The following FCRL5 variants were observed in gnomAD, a reference collection of about 807,000 sequenced individuals.
FCRL5 encodes Fc receptor-like protein 5.
Under a neutral mutation model 92.1 loss-of-function variants are expected in FCRL5, and 79 were observed. That is an observed-to-expected ratio of 0.86 (90% CI 0.72 to 1.03). The LOEUF (loss-of-function observed/expected upper bound fraction) is 1.03, where lower values mean the gene tolerates loss of function less well. Among genes scored for constraint, FCRL5 ranks in the 50% least tolerant of loss-of-function variants. The pLI is 0.00. For synonymous variants in FCRL5, 466 were observed against 469.3 expected (o/e 0.99, Z 0.09); for missense variants, 1,160 against 1,181.1 (o/e 0.98, Z 0.26).
At chr1:157,520,639 C>G (rs1405662187) in intron 11 of FCRL5, 92 bp from the exon 12 acceptor site, 1 of 938,524 alleles carries the variant, frequency 1.1e-6, no homozygotes. Context: ...TGACGGTGAA[C>G]CTAGGTGAGC....
chr1:157,533,122 T>C (rs1274626455), intron 8 of FCRL5: 1 of 152,130 alleles, frequency 6.6e-6, no homozygotes, highest in Non-Finnish European at 1.5e-5. Flanking sequence ...CATAGGCACA[T>C]ATATATATTT....
intron 15 of FCRL5, among the ~76,000 whole-genome samples, chr1:157,516,631 C>A (rs891647290): frequency 6.6e-6 from 1 of 152,182 alleles, no homozygotes; most frequent in Non-Finnish European, 1.5e-5. Context: ...CTATACCCAG[C>A]ACATAATAGG....
intron 10 of FCRL5, 142 bp from the exon 11 acceptor site, chr1:157,521,434 G>A: frequency 9.9e-7 from 1 of 1,008,496 alleles, no homozygotes; most frequent in Admixed American, 3.2e-5. Context: ...TAATTACTTT[G>A]ACCTGCTAAT....
At chr1:157,524,608 C>T (rs1650351453) in intron 9 of FCRL5, 51 bp from the exon 10 acceptor site, 2 of 1,510,132 alleles carry the variant, frequency 1.3e-6, no homozygotes, top group African/African-American at 1.4e-5. Context: ...AAATATATTC[C>T]TTCATGCTAA....
chr1:157,545,849 T>G lies in FCRL5; in HGVS notation c.308-767A>C, dbSNP rs191569348. Among the ~76,000 whole-genome samples, 64 of 152,270 alleles carry G rather than the reference T, an allele frequency of 4.2e-4. 1 individual carries two copies. Among genetic ancestry groups the G allele is most frequent in the South Asian group, 2.3e-3 (11 of 4,820 alleles). ...GGCCAGGTATTCTTTTTCTAAACCA[T>G]GTTAAGGTCTGCCATTTTCAGGGAT... is the stretch of plus-strand genomic sequence containing the variant. On this transcript the variant is annotated intron_variant, in intron 3 of 16. Transcript: ENST00000361835.
chr1:157,520,999 C>G lies in FCRL5; in HGVS notation c.2515+18G>C. The stretch of plus-strand genomic sequence containing the variant: ...AAACATTTTGTCCGCATCTGTGGCC[C>G]GGGCACGGGAAACTTACCTGTGATA... On this transcript the variant is annotated intron_variant, in intron 11 of 16. Coordinates refer to ENST00000361835, the MANE Select transcript of FCRL5 (RefSeq NM_031281.3). 1 of 1,584,034 alleles carries G rather than the reference C, an allele frequency of 6.3e-7. No homozygotes were observed. The highest frequency in any genetic ancestry group is 8.6e-7 in the Non-Finnish European group (1 of 1,165,534).
chr1:157,542,756 A>G, intron 6 of FCRL5, 103 bp downstream of exon 6: 1 of 1,383,692 alleles, frequency 7.2e-7, no homozygotes, highest in South Asian at 1.4e-5. Context: ...TTTTCCCAAG[A>G]AAGAAACTGA....
intron 15 of FCRL5, 80 bp from the exon 16 acceptor site, chr1:157,515,953 T>G: frequency 6.5e-7 from 1 of 1,532,730 alleles, no homozygotes; most frequent in Admixed American, 1.7e-5. Flanking sequence ...GGGCCAGCCC[T>G]GAGCCTCCTG....
intron 10 of FCRL5, 38 bp downstream of exon 10, chr1:157,524,241 G>A: frequency 1.9e-6 from 3 of 1,611,086 alleles, no homozygotes; most frequent in Non-Finnish European, 2.5e-6. Context: ...GGCACAGTCA[G>A]TTCTCAGATG....
intron 15 of FCRL5, among the ~76,000 whole-genome samples, chr1:157,516,825 T>C (rs772461221): frequency 6.6e-6 from 1 of 152,210 alleles, no homozygotes; most frequent in Non-Finnish European, 1.5e-5. Context: ...GAAGACTGTT[T>C]GGTGATTGAC....
rs187121784 is a variant in FCRL5 at position 157,519,674 on chromosome 1, A to C, written c.2660+69T>G. 137 of 1,527,868 alleles carry C rather than the reference A, an allele frequency of 9.0e-5. 1 individual carries two copies. The highest frequency in any genetic ancestry group is 4.8e-5 in the Non-Finnish European group (53 of 1,102,338). 94.6% of individuals were successfully genotyped at this position (1,527,868 alleles called of 1,614,324 possible). On this transcript the variant is annotated intron_variant, in intron 13 of 16. Coordinates refer to ENST00000361835, the MANE Select transcript of FCRL5 (RefSeq NM_031281.3). Reference sequence around the variant, plus strand: ...AGAAACTGTGCTCTTGGTAATCATCAGATTCAATTCCATTTTTCCACCCTG... The same window carrying C: ...AGAAACTGTGCTCTTGGTAATCATCCGATTCAATTCCATTTTTCCACCCTG...
intron 6 of FCRL5, among the ~76,000 whole-genome samples, chr1:157,539,987 G>T (rs184276774): frequency 6.6e-6 from 1 of 152,314 alleles, no homozygotes; most frequent in East Asian, 1.9e-4. Context: ...GAGAAGGCAG[G>T]GAGCTGAATC....
Position 157,539,286 on chromosome 1 carries a change from C to A in FCRL5, c.1202G>T (p.Cys401Phe). ...IFEGAKVTLH[C>F]EAQRGSLPIL... ...GGGGAGTGAACCTCTCTGGGCTTCACAGTGAAGTGTCACCTTGGCTCCCTC... is the reference window on the plus strand; with the variant it reads ...GGGGAGTGAACCTCTCTGGGCTTCAAAGTGAAGTGTCACCTTGGCTCCCTC... Residue 401 changes from cysteine to phenylalanine, a missense_variant, in exon 7 of 17, where the codon TGT becomes TTT. Physicochemically the swap from Cys to Phe is radical, Grantham distance 205. Transcript: ENST00000361835. 1 of 1,614,192 alleles carries A rather than the reference C, an allele frequency of 6.2e-7. No individual in the cohort carries two copies. Among genetic ancestry groups the A allele is most frequent in the Non-Finnish European group, 8.5e-7 (1 of 1,180,020 alleles).
At chr1:157,541,394 C>G (rs1011679390) in intron 6 of FCRL5, among the ~76,000 whole-genome samples, 1 of 152,222 alleles carries the variant, frequency 6.6e-6, no homozygotes, top group African/African-American at 2.4e-5. Context: ...CCCAGATTGC[C>G]CTGCAAAATA....
chr1:157,520,821 A>C (rs112565419), intron 11 of FCRL5, among the ~76,000 whole-genome samples, 196 bp downstream of exon 11: 3,450 of 152,328 alleles, frequency 0.023, 121 homozygotes, highest in African/African-American at 0.076. Flanking sequence ...TCTTGCGCCC[A>C]GCCCGCCAAC....
At chr1:157,549,469 A>C (rs1381012412) in intron 2 of FCRL5, 91 bp downstream of exon 2, 1 of 1,177,096 alleles carries the variant, frequency 8.5e-7, no homozygotes, top group Non-Finnish European at 1.2e-6. Flanking sequence ...GATATTGGAG[A>C]TCTCAGGCAG....
rs1651589382 is a variant in FCRL5, at chr1:157,547,210, G to C, written c.53-13C>G. On this transcript the variant is annotated splice_polypyrimidine_tract_variant and intron_variant, in intron 2 of 16. Coordinates refer to ENST00000361835, the MANE Select transcript of FCRL5 (RefSeq NM_031281.3). ...CTGGGTGTCCTTGCTGAAGAGGAAA[G>C]AGAAAAGGAGTCTGAGGTGGAGGCG... 1 of 1,612,770 alleles carries C rather than the reference G, an allele frequency of 6.2e-7. No individual in the cohort carries two copies. Among genetic ancestry groups the C allele is most frequent in the South Asian group, 1.1e-5 (1 of 90,996 alleles).
chr1:157,527,586 T>C (rs1650486349), intron 9 of FCRL5, 31 bp downstream of exon 9: 1 of 1,541,650 alleles, frequency 6.5e-7, no homozygotes, highest in Non-Finnish European at 8.7e-7. Flanking sequence ...ATGGTCTTTT[T>C]ATTTTTGTGC....
At chr1:157,540,578 A>C (rs1380364974) in intron 6 of FCRL5, among the ~76,000 whole-genome samples, 1 of 151,380 alleles carries the variant, frequency 6.6e-6, no homozygotes, top group Non-Finnish European at 1.5e-5. Flanking sequence ...TTGCATTTGC[A>C]GTTCCTCACA....
Sources: allele counts gnomAD v4.1 joint callset (sites outside exome capture counted in the v4.1 genomes callset), GRCh38; gene constraint gnomAD v4.1.1; transcripts MANE v1.5; gene names NCBI Gene and HGNC (gene_info 2026-07-23, HGNC 2026-07-21).